The following ZAN variants were observed in gnomAD, a reference collection of about 807,000 sequenced individuals.
ZAN encodes the protein zonadhesin.
Under a neutral mutation model 286.2 loss-of-function variants are expected in ZAN, and 260 were observed. The observed-to-expected ratio is 0.91, with a 90% confidence interval of 0.82 to 1.01. The LOEUF is 1.01. Ranked by LOEUF, ZAN falls within the 50% of genes least tolerant of loss-of-function variation. The pLI, the probability that ZAN is intolerant of heterozygous loss-of-function variation, is 0.00. For synonymous variants in ZAN, 1,368 were observed against 1,417.5 expected (o/e 0.97, Z 0.79); for missense variants, 3,410 against 3,639.2 (o/e 0.94, Z 1.62).
chr7:100,751,594 G>C (rs901099188), intron 13 of ZAN, 118 bp from the exon 14 acceptor site: 1 of 1,121,068 alleles, frequency 8.9e-7, no homozygotes, highest in Admixed American at 3.1e-5. Context: ...TGGGGTTTGG[G>C]AGTAGAAAGA....
intron 40 of ZAN, 77 bp from the exon 41 acceptor site, chr7:100,791,889 G>T: frequency 6.7e-7 from 1 of 1,488,060 alleles, no homozygotes; most frequent in South Asian, 1.4e-5. Context: ...CACCATGCCC[G>T]GCTAATCAGT....
intron 34 of ZAN, among the ~76,000 whole-genome samples, chr7:100,776,926 G>A (rs1268478855): frequency 3.4e-5 from 5 of 146,692 alleles, no homozygotes; most frequent in African/African-American, 1.3e-4. Context: ...TAGAGACGGG[G>A]TTTCACCTTG....
rs1562911208 is a variant in ZAN at position 100,738,870 on chromosome 7, T to TCC, written c.766+257_766+258insCC. On this transcript the variant is annotated intron_variant, in intron 7 of 47. Coordinates refer to ENST00000613979, the MANE Select transcript of ZAN (RefSeq NM_003386.3). ...CTTCTTCTTCTTTCTCTTCCTCTTCTTCTTCTCCCTCTCCCTCTCCCTCTC... is the reference window on the plus strand; with the variant it reads ...CTTCTTCTTCTTTCTCTTCCTCTTCTCCTCTTCTCCCTCTCCCTCTCCCTCTC... Among the ~76,000 whole-genome samples the TCC allele has an allele frequency of 1.9e-3, 52 of 27,942 alleles. 8 individuals carry two copies. The highest frequency in any genetic ancestry group is 5.9e-3 in the Admixed American group (12 of 2,040). The allele number at this position is 27,942 out of a possible 152,430, so 18.3% of individuals were successfully genotyped here.
At position 100,791,841 on chromosome 7, in the gene ZAN, C is replaced by T. The variant is rs1249789296; in HGVS notation, c.7530-125C>T. 17 of 1,185,780 alleles carry T rather than the reference C, an allele frequency of 1.4e-5. No homozygotes were observed. The East Asian group carries it at 4.5e-4, about 31-fold the overall frequency. 73.5% of individuals were successfully genotyped at this position (1,185,780 alleles called of 1,614,324 possible). A position where few individuals can be genotyped will look rare whatever the true frequency, so the allele number is the denominator to read the frequency against. On this transcript the variant is annotated intron_variant, in intron 40 of 47. Transcript: ENST00000613979. ...CTCCTGGGCTCAAGTCATCCTCCTG[C>T]CTCAGCCTCCCGGGTAGCTGGGACT...
At chr7:100,769,321 T>A (rs1195984191) in intron 27 of ZAN, among the ~76,000 whole-genome samples, 1 of 152,004 alleles carries the variant, frequency 6.6e-6, no homozygotes, top group Non-Finnish European at 1.5e-5. Flanking sequence ...CTCAAACTCC[T>A]GACCTCAGGT....
intron 45 of ZAN, among the ~76,000 whole-genome samples, chr7:100,796,391 T>C (rs76415699): frequency 0.02 from 3,081 of 151,320 alleles, 103 homozygotes; most frequent in African/African-American, 0.069. Flanking sequence ...AGATCAGATT[T>C]GGTAGGTCTG....
rs751369826 is a variant in ZAN, at chr7:100,738,867, T to TTCC, written c.766+256_766+257insCTC. Among the ~76,000 whole-genome samples, 203 of 23,052 alleles carry TTCC rather than the reference T, an allele frequency of 8.8e-3. 47 individuals are homozygous for TTCC. Among genetic ancestry groups the TTCC allele is most frequent in the South Asian group, 0.03 (8 of 270 alleles). 15.1% of individuals were successfully genotyped at this position (23,052 alleles called of 152,430 possible). A position where few individuals can be genotyped will look rare whatever the true frequency, so the allele number is the denominator to read the frequency against. On this transcript the variant is annotated intron_variant, in intron 7 of 47. Transcript: ENST00000613979. ...CTTCTTCTTCTTCTTTCTCTTCCTC[T>TTCC]TCTTCTTCTCCCTCTCCCTCTCCCT...
At chr7:100,762,089 C>T (rs957059200) in intron 19 of ZAN, 126 bp from the exon 20 acceptor site, 15 of 1,216,652 alleles carry the variant, frequency 1.2e-5, no homozygotes, top group African/African-American at 6.0e-5. Flanking sequence ...TTGTCCAGTC[C>T]GCACCTCTTC....
In ZAN at chr7:100,763,329, C is replaced by T. The variant is rs1361387536; in HGVS notation, c.3987-477C>T. Among the ~76,000 whole-genome samples the T allele has an allele frequency of 1.3e-5, 2 of 152,052 alleles. No individual in the cohort carries two copies. The highest frequency in any genetic ancestry group is 2.1e-4 in the South Asian group (1 of 4,828). On this transcript the variant is annotated intron_variant, in intron 20 of 47. Transcript: ENST00000613979. This position sits in a 1 kb window ranked among gnomAD's most constrained non-coding sequence, Gnocchi z 4.6. ...CCCTTTCTCCTCTCTACCCTGGAGA[C>T]TTCAAGTTGTTCTTTCAGTTGCTCA...
At chr7:100,792,677 C>G (rs1328508139) in intron 42 of ZAN, 198 bp downstream of exon 42, 3 of 1,350,642 alleles carry the variant, frequency 2.2e-6, no homozygotes, top group Non-Finnish European at 2.9e-6. Flanking sequence ...TGCCTTAGTC[C>G]CAGGTCCAAG....
Position 100,773,534 on chromosome 7 carries a change from C to T in ZAN, c.5634+41C>T, listed in dbSNP as rs1250940011. 3 of 1,603,602 alleles carry T rather than the reference C, an allele frequency of 1.9e-6. No individual in the cohort carries two copies. The African/African-American group carries it at 4.0e-5, about 22-fold the overall frequency. ...GGAGGGGCCCCGCCCTTTCCAGGCC[C>T]ACATGTTTGGGGTCAGGGCAAGCTC... is the stretch of plus-strand genomic sequence containing the variant. On this transcript the variant is annotated intron_variant, in intron 30 of 47. Coordinates refer to ENST00000613979, the MANE Select transcript of ZAN (RefSeq NM_003386.3).
In ZAN at chr7:100,747,570, C is replaced by G. The variant is rs377297265; in HGVS notation, c.952C>G (p.Leu318Val). The stretch of plus-strand genomic sequence containing the variant: ...TGCAGGGAGTATCCGGAAACACACT[C>G]TCTTCTCAGGACAACCTGGGCCCAA... ...SVLGSIRKHT[L>V]FSGQPGPNWQ... The change falls in exon 9 of 48, where the codon CTC becomes GTC. Residue 318 changes from leucine (L) to valine (V), a missense_variant. Physicochemically the swap from Leu to Val is conservative, Grantham distance 32 (BLOSUM62 1). This residue lies in a region of ZAN where 872 missense variants were observed against 938.9 expected (regional missense o/e 0.93). Coordinates refer to ENST00000613979, the MANE Select transcript of ZAN (RefSeq NM_003386.3). The G allele has an allele frequency of 6.2e-7, 1 of 1,613,882 alleles. No homozygotes were observed. Among genetic ancestry groups the G allele is most frequent in the East Asian group, 2.2e-5 (1 of 44,868 alleles).
chr7:100,757,813 G>C (rs62483595), intron 15 of ZAN, among the ~76,000 whole-genome samples: 4,032 of 148,646 alleles, frequency 0.027, 98 homozygotes, highest in Non-Finnish European at 0.041. Flanking sequence ...AGTGGCTCAC[G>C]CCTGTAATAC....
chr7:100,747,997 A>AAG (rs1562919427), intron 9 of ZAN, 140 bp from the exon 10 acceptor site: 1 of 720,244 alleles, frequency 1.4e-6, no homozygotes, highest in African/African-American at 1.8e-5. Flanking sequence ...GAAAAAAAAA[A>AAG]AAAAAGAAAG....
At chr7:100,751,688 AG>A (rs1414454792) in intron 13 of ZAN, 23 bp from the exon 14 acceptor site, 2 of 1,560,930 alleles carry the variant, frequency 1.3e-6, no homozygotes, top group Admixed American at 4.3e-5. Context: ...ACTAAACTCC[AG>A]GGATTCTTAT....
chr7:100,751,308 G>A (rs769181004), intron 13 of ZAN, 42 bp downstream of exon 13: 2 of 1,442,848 alleles, frequency 1.4e-6, no homozygotes, highest in Admixed American at 4.8e-5. Context: ...GCGGTGCCCT[G>A]AGGTTCCCTG....
chr7:100,759,979 T>C, intron 18 of ZAN, 134 bp downstream of exon 18: 1 of 1,363,454 alleles, frequency 7.3e-7, no homozygotes, highest in Non-Finnish European at 9.7e-7. Flanking sequence ...CTTGGGAGGC[T>C]AAAGTGGGAG....
intron 35 of ZAN, among the ~76,000 whole-genome samples, chr7:100,784,174 G>C (rs1811406475): frequency 6.8e-6 from 1 of 146,508 alleles, no homozygotes; most frequent in African/African-American, 2.5e-5. Context: ...CTGTTGCCCA[G>C]GCTGGAGTGC....
Position 100,773,402 on chromosome 7 carries a change from G to C in ZAN, c.5543G>C (p.Cys1848Ser). The C allele has an allele frequency of 6.2e-7, 1 of 1,614,038 alleles. No homozygotes were observed. The highest frequency in any genetic ancestry group is 8.5e-7 in the Non-Finnish European group (1 of 1,179,896). Residue 1848 changes from cysteine (C) to serine (S), a missense_variant, in exon 30 of 48, where the codon TGT becomes TCT. Coordinates refer to ENST00000613979, the MANE Select transcript of ZAN (RefSeq NM_003386.3). ...AAAGCACTGCCCTGTGCTGAGAGCT[G>C]TGAATGTCAGAAAGGCCACATCTTG... ...CPKALPCAES[C>S]ECQKGHILSG...
Sources: gnomAD v4.1 joint callset for allele counts (sites outside exome capture counted in the v4.1 genomes callset) on GRCh38, gnomAD v4.1.1 for gene constraint, gnomAD v4.1.1 regional missense constraint, Gnocchi (gnomAD v3.1) non-coding constraint, MANE v1.5 for transcripts, NCBI Gene and HGNC (gene_info 2026-07-23, HGNC 2026-07-21) for gene names.